The following MMP28 variants were observed in gnomAD, a reference collection of about 807,000 sequenced individuals.
MMP28 encodes matrix metalloproteinase-28.
In MMP28, 55 loss-of-function variants were observed where a neutral mutation model predicts 60.5. The ratio of observed to expected loss-of-function variants is 0.91; its 90% CI spans 0.73 to 1.14. The LOEUF (loss-of-function observed/expected upper bound fraction) is 1.14, where lower values mean the gene tolerates loss of function less well. Ranked by LOEUF, MMP28 falls within the 50% of genes most tolerant of loss-of-function variation. MMP28 has a pLI of 0.00. For missense variants in MMP28, 686 were observed against 738.3 expected (o/e 0.93, Z 0.82); for synonymous variants, 318 against 312.5 (o/e 1.02, Z -0.18).
chr17:35,784,868 A>G (rs1555610143), intron 1 of MMP28, among the ~76,000 whole-genome samples: 2 of 152,138 alleles, frequency 1.3e-5, no homozygotes, highest in East Asian at 3.9e-4. Context: ...AAGTTCAAGG[A>G]CCAGGTTTTC....
Position 35,795,270 on chromosome 17 carries a change from C to T in MMP28, c.108G>A (p.Ala36=), listed in dbSNP as rs1005308854. 3 of 1,432,456 alleles carry T rather than the reference C, an allele frequency of 2.1e-6. No homozygotes were observed. The highest frequency in any genetic ancestry group is 2.7e-6 in the Non-Finnish European group (3 of 1,091,776). 88.7% of individuals were successfully genotyped at this position (1,432,456 alleles called of 1,614,324 possible). The change falls in exon 1 of 8, where the codon GCG becomes GCA. Residue 36 remains alanine, a synonymous_variant. Transcript: ENST00000605424. ...ERGGQELRKE[A]EAFLEKYGYL... ...CCGCCAGGTACACACGGCGTACCTC[C>T]GCCTCCTTGCGCAGCTCCTGGCCTC...
At chr17:35,773,104 T>A (rs2086209803) in intron 4 of MMP28, 76 bp downstream of exon 4, 1 of 1,386,906 alleles carries the variant, frequency 7.2e-7, no homozygotes, top group African/African-American at 1.4e-5. Flanking sequence ...GGTGAATGCT[T>A]CATTGCCACC....
chr17:35,761,423 T>G (rs371640724), downstream of MMP28, among the ~76,000 whole-genome samples: 1 of 151,450 alleles, frequency 6.6e-6, no homozygotes, highest in African/African-American at 2.4e-5. Flanking sequence ...TTTTTTGTTT[T>G]TTTTTTTTTA....
chr17:35,763,987 G>C, downstream of MMP28: 1 of 1,525,512 alleles, frequency 6.6e-7, no homozygotes, highest in Non-Finnish European at 8.8e-7. Context: ...GGACTGCCCT[G>C]ACCTCCTCCC....
At chr17:35,777,289 C>G (rs764386867) in intron 3 of MMP28, among the ~76,000 whole-genome samples, 1 of 152,236 alleles carries the variant, frequency 6.6e-6, no homozygotes, top group African/African-American at 2.4e-5. Context: ...TTCTACTTCA[C>G]TCTTCCTCTC....
chr17:35,794,201 C>T (rs2086896971), intron 1 of MMP28, among the ~76,000 whole-genome samples: 1 of 151,152 alleles, frequency 6.6e-6, no homozygotes. Context: ...AGACATGCTT[C>T]TTTGGGGGAG....
intron 1 of MMP28, among the ~76,000 whole-genome samples, chr17:35,785,406 C>T (rs1352943972): frequency 6.6e-6 from 1 of 152,026 alleles, no homozygotes; most frequent in Non-Finnish European, 1.5e-5. Flanking sequence ...AAGTCCTGTG[C>T]CTCTCTGAGC....
At chr17:35,780,433 T>C (rs897183804) in intron 1 of MMP28, among the ~76,000 whole-genome samples, 1 of 152,258 alleles carries the variant, frequency 6.6e-6, no homozygotes. Context: ...ATAATTGATA[T>C]AAAAACTTGA....
chr17:35,764,279 C>T, downstream of MMP28: 1 of 1,534,228 alleles, frequency 6.5e-7, no homozygotes, highest in African/African-American at 1.4e-5. Flanking sequence ...CTGGGGCTGG[C>T]TCGGCCCCTT....
In MMP28 at chr17:35,782,949, C is replaced by T. The variant is rs191996648; in HGVS notation, c.112-3626G>A. On this transcript the variant is annotated intron_variant, in intron 1 of 7. Coordinates refer to ENST00000605424, the MANE Select transcript of MMP28 (RefSeq NM_024302.5). ...TCACGCCATTCTCCTGCCTCAGCCT[C>T]CCGAGTAGCTGGGACTACAGGCACC... is the stretch of plus-strand genomic sequence containing the variant. 1.6e-3 allele frequency among the ~76,000 whole-genome samples: 247 copies of T among 152,324 alleles called. 2 individuals are homozygous for T. The East Asian group carries it at 0.032, about 20-fold the overall frequency.
intron 1 of MMP28, among the ~76,000 whole-genome samples, chr17:35,780,016 A>T (rs553451711): frequency 2.6e-5 from 4 of 152,170 alleles, no homozygotes; most frequent in Non-Finnish European, 2.9e-5. Flanking sequence ...CTGGATTTTT[A>T]AAAAAACAGT....
intron 2 of MMP28, among the ~76,000 whole-genome samples, chr17:35,759,707 C>A (rs2085782936): frequency 6.6e-6 from 1 of 150,858 alleles, no homozygotes; most frequent in Non-Finnish European, 1.5e-5. Flanking sequence ...CGCTACCCCC[C>A]ACCGCCCCCC....
In MMP28 at chr17:35,778,927, G is replaced by T. The variant is rs746307365; in HGVS notation, c.340C>A (p.Arg114=). ...ERISDLFARH[R]TKMRRKKRFA... is the part of the protein sequence containing the mutation. ...CGTTTCTTACGCCTCATTTTGGTCC[G>T]GTGTCTAGCAAACAAGTCACTGATC... The change falls in exon 3 of 8, where the codon CGG becomes AGG. Residue 114 remains arginine, a synonymous_variant. Coordinates refer to ENST00000605424, the MANE Select transcript of MMP28 (RefSeq NM_024302.5). The T allele has an allele frequency of 6.2e-7, 1 of 1,613,878 alleles. No individual in the cohort carries two copies. Among genetic ancestry groups the T allele is most frequent in the Non-Finnish European group, 8.5e-7 (1 of 1,179,884 alleles).
At chr17:35,765,217 C>T (rs2085910679), downstream of MMP28, 1 of 152,312 alleles carries the variant, frequency 6.6e-6, no homozygotes, top group Non-Finnish European at 1.5e-5. Context: ...AGGCAAAGGC[C>T]CTTCTGCCCA....
At chr17:35,758,620 G>A (rs782687192) in intron 2 of MMP28, among the ~76,000 whole-genome samples, 37 of 152,022 alleles carry the variant, frequency 2.4e-4, no homozygotes, top group African/African-American at 8.2e-4. Context: ...TGAATCCGGG[G>A]GGCAGAGGTT....
In MMP28 at chr17:35,773,390, T is replaced by A; in HGVS notation, c.394A>T (p.Lys132Ter). The A allele has an allele frequency of 6.3e-7, 1 of 1,597,724 alleles. No individual in the cohort carries two copies. Residue 132 changes from lysine (K) to a stop codon, truncating the protein, a stop_gained, in exon 4 of 8, where the codon AAG becomes TAG. Transcript: ENST00000605424. LOFTEE classifies it high-confidence loss of function. ...RFAKQGNKWY[K>*]QHLSYRLVNW... ...ACCAGGCGGTAGGAGAGGTGCTGCT[T>A]GTACCATTTGTTACCTGCCACCCAG...
rs929317359 is a variant in MMP28, at chr17:35,770,059, G to A, written c.850+8C>T. 10 of 1,549,848 alleles carry A rather than the reference G, an allele frequency of 6.5e-6. No individual in the cohort carries two copies. The highest frequency in any genetic ancestry group is 1.2e-5 in the South Asian group (1 of 81,340). ...GGACCAAGAGCGGGGCATGTCCCGG[G>A]GCCTCACCATACAGGCTCTGCACGG... On this transcript the variant is annotated splice_region_variant and intron_variant, in intron 5 of 7. Transcript: ENST00000605424.
chr17:35,781,456 C>T (rs975413399), intron 1 of MMP28, among the ~76,000 whole-genome samples: 20 of 152,164 alleles, frequency 1.3e-4, no homozygotes, highest in African/African-American at 4.3e-4. Flanking sequence ...ACGAGCTCCT[C>T]TGGGGAAATT....
chr17:35,764,531 G>A (rs781829396), downstream of MMP28: 2 of 1,599,982 alleles, frequency 1.3e-6, no homozygotes, highest in Non-Finnish European at 1.7e-6. Flanking sequence ...AGAAATGCAG[G>A]AGTCTGCACA....
Sources: gnomAD v4.1 joint callset for allele counts (sites outside exome capture counted in the v4.1 genomes callset) on GRCh38, gnomAD v4.1.1 for gene constraint, MANE v1.5 for transcripts, NCBI Gene and HGNC (gene_info 2026-07-23, HGNC 2026-07-21) for gene names.